VPS52: variants seen among roughly 807,000 people sequenced by gnomAD.
VPS52 encodes the protein vacuolar protein sorting-associated protein 52 homolog.
A neutral mutation model predicts 98.7 loss-of-function variants in VPS52; 56 were observed. That is an observed-to-expected ratio of 0.57 (90% confidence interval 0.46 to 0.71). The LOEUF is 0.71. Among genes scored for constraint, VPS52 ranks in the 30% least tolerant of loss-of-function variants. The pLI is 0.00. For synonymous variants in VPS52, 348 were observed against 346.4 expected (o/e 1.00, Z -0.05); for missense variants, 742 against 925.9 (o/e 0.80, Z 2.58).
At chr6:33,255,882 T>G (rs213219) in intron 17 of VPS52, among the ~76,000 whole-genome samples, 52,519 of 151,308 alleles carry the variant, frequency 0.35, 9,492 homozygotes, top group East Asian at 0.6. Context: ...GCTCAAGAGA[T>G]TCTCCCATCT....
At chr6:33,271,436 G>C (rs1392243005) in intron 1 of VPS52, 150 bp downstream of exon 1, 1 of 1,139,944 alleles carries the variant, frequency 8.8e-7, no homozygotes. Context: ...GCTCAGGGTC[G>C]GGTCTGATCA....
rs763718372 is a variant in VPS52, at chr6:33,271,728, G to C, written c.-53C>G. ...TCAGTCCCGGCGAGTCCGTTCCCCGGAGTGGAGCTACAAGTCCCAAAGGGT... is the reference window on the plus strand; with the variant it reads ...TCAGTCCCGGCGAGTCCGTTCCCCGCAGTGGAGCTACAAGTCCCAAAGGGT... On this transcript the variant is annotated 5_prime_UTR_variant, in exon 1 of 20. Transcript: ENST00000445902. 2 of 1,556,322 alleles carry C rather than the reference G, an allele frequency of 1.3e-6. No homozygotes were observed. The highest frequency in any genetic ancestry group is 1.7e-6 in the Non-Finnish European group (2 of 1,149,414).
In VPS52 at chr6:33,268,436, A is replaced by G; in HGVS notation, c.699+63T>C. 1 of 1,534,566 alleles carries G rather than the reference A, an allele frequency of 6.5e-7. No homozygotes were observed. Among genetic ancestry groups the G allele is most frequent in the Non-Finnish European group, 8.8e-7 (1 of 1,138,688 alleles). On this transcript the variant is annotated intron_variant, in intron 7 of 19. Transcript: ENST00000445902. This position sits in a 1 kb window ranked among gnomAD's most constrained non-coding sequence, Gnocchi z 4.0. Reference sequence around the variant, plus strand: ...ACAGTGAGCTCTGCCAAGGAAATCCATAGTGAAGATCTTGGGAAGGCTGCT... The same window carrying G: ...ACAGTGAGCTCTGCCAAGGAAATCCGTAGTGAAGATCTTGGGAAGGCTGCT...
intron 12 of VPS52, among the ~76,000 whole-genome samples, chr6:33,265,398 G>A (rs1182920663): frequency 6.6e-6 from 1 of 152,082 alleles, no homozygotes; most frequent in Non-Finnish European, 1.5e-5. Flanking sequence ...GAGACAGGTT[G>A]TTTTGTCACC....
Position 33,270,261 on chromosome 6 carries a change from T to G in VPS52, c.113A>C (p.Glu38Ala). The G allele has an allele frequency of 1.2e-6, 2 of 1,613,224 alleles. No individual in the cohort carries two copies. The highest frequency in any genetic ancestry group is 1.7e-6 in the Non-Finnish European group (2 of 1,179,216). The change falls in exon 2 of 20, where the codon GAA becomes GCA. Residue 38 changes from glutamate to alanine, a missense_variant. Transcript: ENST00000445902. ...GPLAGGPGLQ[E>A]PLQLGELDIT... Reference sequence around the variant, plus strand: ...ATCCAACTCCCCAAGTTGCAGTGGTTCCTGGAGCCCAGGACCACCCGCCTG... The same window carrying G: ...ATCCAACTCCCCAAGTTGCAGTGGTGCCTGGAGCCCAGGACCACCCGCCTG...
rs747997846 is a variant in VPS52 at position 33,264,501 on chromosome 6, T to A, written c.1401-4A>T. The A allele has an allele frequency of 1.9e-6, 3 of 1,613,778 alleles. No homozygotes were observed. The East Asian group carries it at 6.7e-5, about 36-fold the overall frequency. On this transcript the variant is annotated splice_polypyrimidine_tract_variant and splice_region_variant and intron_variant, in intron 13 of 19. Transcript: ENST00000445902. The stretch of plus-strand genomic sequence containing the variant: ...GGCAAGCACCTGTTCCCAGTACCTG[T>A]GGGCTTAATCAGAATCAGAGGTCAG...
rs765106122 is a variant in VPS52, at chr6:33,267,727, C to G, written c.946G>C (p.Ala316Pro). The G allele has an allele frequency of 6.2e-7, 1 of 1,612,992 alleles. No individual in the cohort carries two copies. Among genetic ancestry groups the G allele is most frequent in the East Asian group, 2.2e-5 (1 of 44,888 alleles). ...RLMKVQYEEV[A>P]EKDDLMGVED... ...ACACCCATTAGATCATCTTTCTCAG[C>G]GACTTCCTCATACTAAGGAAAGAGA... Residue 316 changes from alanine to proline, a missense_variant, in exon 10 of 20, where the codon GCT becomes CCT. This residue lies in a region of VPS52 where 590 missense variants were observed against 793.3 expected (regional missense o/e 0.74). Coordinates refer to ENST00000445902, the MANE Select transcript of VPS52 (RefSeq NM_022553.6). The surrounding 1 kb of genome is among the most constrained non-coding windows in gnomAD (Gnocchi z 4.2).
In VPS52 at chr6:33,266,595, A is replaced by G; in HGVS notation, c.1243T>C (p.Phe415Leu). 6.2e-7 allele frequency: 1 copy of G among 1,612,670 alleles called. No individual in the cohort carries two copies. Among genetic ancestry groups the G allele is most frequent in the Non-Finnish European group, 8.5e-7 (1 of 1,179,790 alleles). ...AGTGTACGGCCCATGACAGCATGGA[A>G]CAGGTCGTGTGCAGCTGGGCCAGAC... ...VVSGPAAHDL[F>L]HAVMGRTLSM... Residue 415 changes from phenylalanine to leucine, a missense_variant, in exon 12 of 20, where the codon TTC becomes CTC. By Grantham distance (22) the Phe-to-Leu change is conservative. Transcript: ENST00000445902.
In VPS52 at chr6:33,251,685, A is replaced by G. The variant is rs374339910; in HGVS notation, c.1907-49T>C. 14 of 1,511,820 alleles carry G rather than the reference A, an allele frequency of 9.3e-6. No homozygotes were observed. The African/African-American group carries it at 1.1e-4, about 12-fold the overall frequency. 93.7% of individuals were successfully genotyped at this position (1,511,820 alleles called of 1,614,324 possible). On this transcript the variant is annotated intron_variant, in intron 18 of 19. Transcript: ENST00000445902. ...CAGAGAGGGATCTGGCTGATCTTCA[A>G]CTCCACTAAGTTCTCCCCAAGGTAT...
rs546685765 is a variant in VPS52, at chr6:33,259,694, G to A, written c.1794+3790C>T. On this transcript the variant is annotated intron_variant, in intron 17 of 19. Coordinates refer to ENST00000445902, the MANE Select transcript of VPS52 (RefSeq NM_022553.6). ...ATGCTAACCAGTAAAAATAATGCAA[G>A]GAATCCAAAATCCGAAAAAAATCAA... Among the ~76,000 whole-genome samples, 3 of 151,742 alleles carry A rather than the reference G, an allele frequency of 2.0e-5. No homozygotes were observed. The South Asian group carries it at 6.2e-4, about 31-fold the overall frequency.
intron 19 of VPS52, among the ~76,000 whole-genome samples, chr6:33,251,194 T>C (rs995899630): frequency 1.3e-5 from 2 of 151,916 alleles, no homozygotes; most frequent in African/African-American, 4.8e-5. Context: ...ATACGAAAAT[T>C]AGCTGGTTGT....
Position 33,269,072 on chromosome 6 carries a change from C to T in VPS52, c.490G>A (p.Val164Ile), listed in dbSNP as rs780922558. The change falls in exon 6 of 20, where the codon GTT becomes ATT. Residue 164 changes from valine to isoleucine, a missense_variant. Coordinates refer to ENST00000445902, the MANE Select transcript of VPS52 (RefSeq NM_022553.6). ...ACAAGCTCCCCAAGTTTCCCCCGAA[C>T]TGCCTGGCGATTTCGAAGTCGAATG... ...MNIRLRNRQA[V>I]RGKLGELVDG... is the part of the protein sequence containing the mutation. The T allele has an allele frequency of 6.2e-7, 1 of 1,612,932 alleles. No individual in the cohort carries two copies. The highest frequency in any genetic ancestry group is 1.1e-5 in the South Asian group (1 of 91,066).
chr6:33,271,426 G>T, intron 1 of VPS52, 160 bp downstream of exon 1: 7 of 1,061,480 alleles, frequency 6.6e-6, no homozygotes, highest in African/African-American at 1.6e-5. Flanking sequence ...CTAGGGTCCC[G>T]CTCAGGGTCG....
intron 1 of VPS52, chr6:33,271,055 A>C (rs957592895): frequency 4.2e-6 from 1 of 238,474 alleles, no homozygotes; most frequent in African/African-American, 2.3e-5. Context: ...TAAGACCCTC[A>C]GACTCCTGCC....
rs545176435 is a variant in VPS52, at chr6:33,264,715, G to C, written c.1400+67C>G. 1.6e-5 allele frequency: 24 copies of C among 1,508,156 alleles called. No individual in the cohort carries two copies. The Middle Eastern group carries it at 1.2e-3, about 76-fold the overall frequency. The allele number at this position is 1,508,156 out of a possible 1,614,324, so 93.4% of individuals were successfully genotyped here. A position where few individuals can be genotyped will look rare whatever the true frequency, so the allele number is the denominator to read the frequency against. ...CCAGGTCAGTAGGAGTCTAAGGTCA[G>C]GGCAGAGTCATGCAAGACCAAGAGA... On this transcript the variant is annotated intron_variant, in intron 13 of 19. Transcript: ENST00000445902.
In VPS52 at chr6:33,250,921, G is replaced by A. The variant is rs770286225; in HGVS notation, c.2092C>T (p.Arg698Ter). Residue 698 changes from arginine to a stop codon, truncating the protein, a stop_gained, in exon 20 of 20, where the codon CGA becomes TGA. Coordinates refer to ENST00000445902, the MANE Select transcript of VPS52 (RefSeq NM_022553.6). LOFTEE classifies it high-confidence loss of function. ...FHRVLSQPQLRALPARAELIN... is the reference protein window; with the variant it reads ...FHRVLSQPQL ...AGCTCAGCCCGGGCAGGGAGGGCTCGGAGCTGCGGCTGGGACAGCACCCGG... is the reference window on the plus strand; with the variant it reads ...AGCTCAGCCCGGGCAGGGAGGGCTCAGAGCTGCGGCTGGGACAGCACCCGG... 2 of 1,613,070 alleles carry A rather than the reference G, an allele frequency of 1.2e-6. No individual in the cohort carries two copies. Among genetic ancestry groups the A allele is most frequent in the East Asian group, 2.2e-5 (1 of 44,890 alleles).
chr6:33,263,545 C>T lies in VPS52; in HGVS notation c.1733G>A (p.Arg578Gln), dbSNP rs1206051206. The part of the protein sequence containing the change: ...YDMMLGVLME[R>Q]AADDSKEVES... ...AACCTCTTTGCTGTCATCTGCAGCC[C>T]GCTCCTAAGGGAAGACAAAGGGAAA... is the stretch of plus-strand genomic sequence containing the variant. The change falls in exon 17 of 20, where the codon CGG becomes CAG. Residue 578 changes from arginine (R) to glutamine (Q), a missense_variant. Physicochemically the swap from Arg to Gln is conservative, Grantham distance 43. Around this residue, in one of 2 missense-constraint regions of VPS52, gnomAD observed 590 missense variants for 793.3 expected, o/e 0.74. Transcript: ENST00000445902. 5.6e-6 allele frequency: 9 copies of T among 1,613,994 alleles called. No homozygotes were observed. Among genetic ancestry groups the T allele is most frequent in the Middle Eastern group, 1.6e-4 (1 of 6,084 alleles).
At chr6:33,265,249 G>C (rs1427995612) in intron 12 of VPS52, among the ~76,000 whole-genome samples, 1 of 152,076 alleles carries the variant, frequency 6.6e-6, no homozygotes, top group Non-Finnish European at 1.5e-5. Context: ...ACTAATTTTT[G>C]TATTTTAGTA....
At chr6:33,251,264 C>A (rs1227063819) in intron 19 of VPS52, among the ~76,000 whole-genome samples, 1 of 151,922 alleles carries the variant, frequency 6.6e-6, no homozygotes, top group East Asian at 1.9e-4. Context: ...ATCACTTGAA[C>A]CTGGGAGGCA....
Sources: allele counts gnomAD v4.1 joint callset (sites outside exome capture counted in the v4.1 genomes callset), GRCh38; gene constraint gnomAD v4.1.1; regional missense constraint gnomAD v4.1.1; non-coding constraint Gnocchi (gnomAD v3.1); transcripts MANE v1.5; gene names NCBI Gene and HGNC (gene_info 2026-07-23, HGNC 2026-07-21).